Variants in ECM2 observed in about 807,000 individuals in gnomAD.
The protein encoded by ECM2 is extracellular matrix protein 2, also known as extracellular matrix protein 2, female organ and adipocyte specific.
Under a neutral mutation model 67.5 loss-of-function variants are expected in ECM2, and 57 were observed. The observed-to-expected ratio is 0.84, with a 90% CI of 0.68 to 1.05. ECM2 has a LOEUF of 1.05. Among genes scored for constraint, ECM2 ranks in the 50% least tolerant of loss-of-function variants. The pLI is 0.00. For synonymous variants in ECM2, 258 were observed against 294.5 expected, an observed-to-expected ratio of 0.88 and a Z score of 1.27; for missense variants, 741 against 822.8, an observed-to-expected ratio of 0.90 and a Z score of 1.22.
chr9:92,545,610 G>A, the ECM2 span, among the ~76,000 whole-genome samples: 54 of 152,300 alleles, frequency 3.5e-4, no homozygotes, highest in Non-Finnish European at 6.0e-4. Flanking sequence ...CCCACTGACC[G>A]CCCAAGGGCT....
chr9:92,545,744 G>T, the ECM2 span, among the ~76,000 whole-genome samples: 1 of 152,242 alleles, frequency 6.6e-6, no homozygotes, highest in Non-Finnish European at 1.5e-5. Flanking sequence ...GGGATTTGGA[G>T]AACCTTTATG....
intron 6 of ECM2, among the ~76,000 whole-genome samples, chr9:92,507,842 A>G (rs1209578837): frequency 4.0e-5 from 6 of 151,842 alleles, no homozygotes; most frequent in Non-Finnish European, 7.4e-5. Flanking sequence ...TCTCAGGTGG[A>G]CTCTGCTCCT....
the ECM2 span, among the ~76,000 whole-genome samples, chr9:92,542,807 C>T: frequency 0.098 from 14,964 of 152,126 alleles, 914 homozygotes; most frequent in East Asian, 0.19. Flanking sequence ...CCACTGCGCC[C>T]GGCCCCCTAT....
At position 92,495,930 on chromosome 9, in the gene ECM2, A is replaced by G. The variant is rs1846322158; in HGVS notation, c.*385T>C. The G allele has an allele frequency of 1.0e-6, 1 of 985,870 alleles. No homozygotes were observed. 61.1% of individuals were successfully genotyped at this position (985,870 alleles called of 1,614,324 possible). On this transcript the variant is annotated 3_prime_UTR_variant, in exon 10 of 10. Coordinates refer to ENST00000344604, the MANE Select transcript of ECM2 (RefSeq NM_001393.4). ...TTTTTTGTTGTCATTATGCTTCTTA[A>G]TCTTGAACCAAAAGATACATAATTT...
intron 6 of ECM2, 55 bp downstream of exon 6, chr9:92,509,844 A>G: frequency 2.0e-6 from 3 of 1,528,768 alleles, no homozygotes; most frequent in Non-Finnish European, 2.6e-6. Context: ...TTTCTACAGG[A>G]CTATATAGGA....
chr9:92,552,213 A>ACACACACC, the ECM2 span, among the ~76,000 whole-genome samples: 5 of 150,086 alleles, frequency 3.3e-5, 1 homozygote, highest in African/African-American at 1.2e-4. Flanking sequence ...ACACACACAC[A>ACACACACC]CACCCCACAG....
chr9:92,502,553 C>T lies in ECM2; in HGVS notation c.1564G>A (p.Glu522Lys), dbSNP rs1309357342. ...GCTAAAGGAGCAATCCTATTTTCTT[C>T]AATTTTGTTATAACGTAGTACAATG... ...NVIVLRYNKIEENRIAPLAWI... is the reference protein window; with the variant it reads ...NVIVLRYNKIKENRIAPLAWI... The change falls in exon 8 of 10, where the codon GAA becomes AAA. Residue 522 changes from glutamate (E) to lysine (K), a missense_variant. Physicochemically the swap from Glu to Lys is moderately conservative, Grantham distance 56. Transcript: ENST00000344604. 6.2e-7 allele frequency: 1 copy of T among 1,612,778 alleles called. No individual in the cohort carries two copies. Among genetic ancestry groups the T allele is most frequent in the East Asian group, 2.2e-5 (1 of 44,816 alleles).
upstream of ECM2, among the ~76,000 whole-genome samples, chr9:92,536,930 C>T (rs1324982818): frequency 6.8e-6 from 1 of 146,306 alleles, no homozygotes; most frequent in Non-Finnish European, 1.5e-5. Context: ...AGTGCAATGT[C>T]GTGATCTCAG....
intron 1 of ECM2, among the ~76,000 whole-genome samples, chr9:92,530,593 C>T (rs1311895346): frequency 2.6e-5 from 4 of 152,188 alleles, no homozygotes; most frequent in East Asian, 1.9e-4. Flanking sequence ...CAAATTTAGT[C>T]GTTATATCTT....
chr9:92,547,446 C>A, the ECM2 span, among the ~76,000 whole-genome samples: 651 of 152,264 alleles, frequency 4.3e-3, 10 homozygotes, highest in Non-Finnish European at 5.3e-3. Flanking sequence ...TGCTGCATAG[C>A]CATACAAGGG....
At chr9:92,496,569 T>G (rs1179213952) in intron 9 of ECM2, 86 bp from the exon 10 acceptor site, 2 of 1,523,206 alleles carry the variant, frequency 1.3e-6, no homozygotes, top group Non-Finnish European at 1.7e-6. Flanking sequence ...TTAAAAAAAT[T>G]TTGTTCTTAA....
upstream of ECM2, among the ~76,000 whole-genome samples, chr9:92,536,869 A>AT (rs11459753): frequency 0.27 from 37,534 of 141,374 alleles, 7,542 homozygotes; most frequent in African/African-American, 0.56. Flanking sequence ...TATTTTTTAA[A>AT]TTTTTTTTTT....
At chr9:92,519,119 C>G (rs1462975774) in intron 2 of ECM2, among the ~76,000 whole-genome samples, 1 of 152,088 alleles carries the variant, frequency 6.6e-6, no homozygotes, top group Non-Finnish European at 1.5e-5. Flanking sequence ...CACATTAGTC[C>G]CCTCCTTTCC....
Position 92,512,056 on chromosome 9 carries a change from A to G in ECM2, c.1125T>C (p.Ser375=), listed in dbSNP as rs2296667. ...TGCCTGAAGAAGTGATATTATTTTT[A>G]CTCAGATCAAGCCTTTCCAAATTTG... ...GLPNLERLDL[S]KNNITSSGIG... Residue 375 remains serine (S), a synonymous_variant, in exon 5 of 10, where the codon AGT becomes AGC. Coordinates refer to ENST00000344604, the MANE Select transcript of ECM2 (RefSeq NM_001393.4). 608,870 of 1,611,818 alleles carry G rather than the reference A, an allele frequency of 0.38. 121,750 individuals are homozygous for G. The highest frequency in any genetic ancestry group is 0.71 in the African/African-American group (52,967 of 74,852).
intron 1 of ECM2, among the ~76,000 whole-genome samples, chr9:92,535,217 T>A (rs1849096192): frequency 6.6e-6 from 1 of 152,218 alleles, no homozygotes; most frequent in Non-Finnish European, 1.5e-5. Context: ...CTCACTACAG[T>A]GTTTAAATAC....
At chr9:92,535,094 C>CT (rs924272411) in intron 1 of ECM2, among the ~76,000 whole-genome samples, 19 of 148,994 alleles carry the variant, frequency 1.3e-4, no homozygotes, top group Non-Finnish European at 1.5e-4. Context: ...ACCTCTCTTT[C>CT]TTTTTTTCCC....
intron 5 of ECM2, 68 bp downstream of exon 5, chr9:92,511,943 C>A: frequency 8.3e-7 from 1 of 1,206,452 alleles, no homozygotes; most frequent in East Asian, 2.4e-5. Flanking sequence ...CTCCCTTCCC[C>A]ATCTCCAACC....
upstream of ECM2, among the ~76,000 whole-genome samples, chr9:92,540,547 T>A (rs1244635905): frequency 6.8e-6 from 1 of 146,204 alleles, no homozygotes; most frequent in Non-Finnish European, 1.5e-5. Context: ...CCAAGGTGGG[T>A]GGATCACAAG....
the ECM2 span, among the ~76,000 whole-genome samples, chr9:92,558,040 T>C: frequency 1.3e-5 from 2 of 152,222 alleles, no homozygotes; most frequent in Admixed American, 1.3e-4. Flanking sequence ...CTCCCTTCAC[T>C]TCTTGTATCA....
Sources: allele counts gnomAD v4.1 joint callset (sites outside exome capture counted in the v4.1 genomes callset), GRCh38; gene constraint gnomAD v4.1.1; transcripts MANE v1.5; gene names NCBI Gene and HGNC (gene_info 2026-07-23, HGNC 2026-07-21).